The following NCOR2 variants were observed in gnomAD, a reference collection of about 807,000 sequenced individuals.
The protein encoded by NCOR2 is nuclear receptor corepressor 2.
NCOR2 carries 81 observed loss-of-function variants against 262.9 expected under a neutral mutation model. The ratio of observed to expected loss-of-function variants is 0.31; its 90% CI spans 0.26 to 0.37. The LOEUF is 0.37. Ranked by LOEUF, NCOR2 falls within the 10% of genes least tolerant of loss-of-function variation. The pLI is 1.00. For synonymous variants in NCOR2, 1,659 were observed against 1,559.3 expected (o/e 1.06, Z -1.51); for missense variants, 3,385 against 3,621.4 (o/e 0.93, Z 1.68).
intron 8 of NCOR2, among the ~76,000 whole-genome samples, chr12:124,433,845 TACACACACACACACACACACACAC>T (rs1204258133): frequency 9.8e-4 from 18 of 18,276 alleles, no homozygotes; most frequent in South Asian, 3.0e-3. Context: ...CTCTCTGTCT[TACACACACACACACACACACACAC>T]ACACACACAC....
chr12:124,440,060 C>T lies in NCOR2; in HGVS notation c.816-2064G>A, dbSNP rs1054169887. ...ACACAAAGCAGGGTGCTGCAGCTGGCCTCCCAGGGCCTGGGGGGCCACAGC... is the reference window on the plus strand; with the variant it reads ...ACACAAAGCAGGGTGCTGCAGCTGGTCTCCCAGGGCCTGGGGGGCCACAGC... On this transcript the variant is annotated intron_variant, in intron 7 of 46. Coordinates refer to ENST00000405201, the Ensembl canonical transcript of NCOR2. The surrounding 1 kb of genome is among the most constrained non-coding windows in gnomAD (Gnocchi z 5.7). Among the ~76,000 whole-genome samples, 3 of 152,044 alleles carry T rather than the reference C, an allele frequency of 2.0e-5. No individual in the cohort carries two copies. The highest frequency in any genetic ancestry group is 4.4e-5 in the Non-Finnish European group (3 of 67,988).
Position 124,483,768 on chromosome 12 carries a change from T to C in NCOR2, c.239A>G (p.Gln80Arg), listed in dbSNP as rs749690893. The change falls in exon 3 of 47, where the codon CAG (glutamine) becomes CGG (arginine). Residue 80 changes from glutamine to arginine, a missense_variant. Transcript: ENST00000405201. This position sits in a 1 kb window ranked among gnomAD's most constrained non-coding sequence, Gnocchi z 6.3. ...GGACTCTGGCCGCAGGTGGAGCTCC[T>C]GGGACCTGCAGGAGGTGAGGCATCC... The C allele has an allele frequency of 1.2e-6, 2 of 1,600,058 alleles. No homozygotes were observed. Among genetic ancestry groups the C allele is most frequent in the Non-Finnish European group, 1.7e-6 (2 of 1,173,000 alleles).
intron 6 of NCOR2, among the ~76,000 whole-genome samples, chr12:124,456,877 C>T (rs979788341): frequency 5.3e-5 from 8 of 152,218 alleles, no homozygotes; most frequent in African/African-American, 1.9e-4. Flanking sequence ...GCCCCGGAGG[C>T]GCTCGCTGCC....
chr12:124,448,154 A>G (rs2045299633), intron 7 of NCOR2, among the ~76,000 whole-genome samples: 1 of 152,214 alleles, frequency 6.6e-6, no homozygotes, highest in Admixed American at 6.5e-5. Flanking sequence ...GGGATGAATG[A>G]ATGAGGGAAT....
At chr12:124,429,739 C>T in intron 9 of NCOR2, 33 bp from the exon 12 acceptor site, 3 of 1,562,930 alleles carry the variant, frequency 1.9e-6, no homozygotes, top group Non-Finnish European at 2.6e-6. Flanking sequence ...CAGGACCGGT[C>T]TTCTGGTGGT....
chr12:124,388,856 G>A (rs557293609), intron 16 of NCOR2: 38 of 664,982 alleles, frequency 5.7e-5, no homozygotes, highest in African/African-American at 5.5e-4. Context: ...ATCCTTCTCC[G>A]TCCCACGGTG....
In NCOR2 at chr12:124,550,841, T is replaced by G. The variant is rs576580497; in HGVS notation, c.-164-15230A>C. ...GGCATCACCAGGAGAAGCCCAGAGCTGGCAAATCCACTGGCCACGGCACCC... is the reference window on the plus strand; with the variant it reads ...GGCATCACCAGGAGAAGCCCAGAGCGGGCAAATCCACTGGCCACGGCACCC... On this transcript the variant is annotated intron_variant, in intron 1 of 32. Coordinates refer to the NCOR2 transcript ENST00000458234. 2.9e-3 allele frequency among the ~76,000 whole-genome samples: 440 copies of G among 152,266 alleles called. 1 individual carries two copies. The highest frequency in any genetic ancestry group is 9.6e-3 in the African/African-American group (397 of 41,564).
chr12:124,394,021 C>T (rs537173078), intron 16 of NCOR2, among the ~76,000 whole-genome samples: 5 of 152,376 alleles, frequency 3.3e-5, no homozygotes, highest in African/African-American at 9.6e-5. Context: ...GACTTACCTC[C>T]GACCCCCATC....
At chr12:124,435,282 C>G (rs1422338884) in intron 8 of NCOR2, among the ~76,000 whole-genome samples, 1 of 152,262 alleles carries the variant, frequency 6.6e-6, no homozygotes, top group Non-Finnish European at 1.5e-5. Flanking sequence ...GACTCCCGGG[C>G]ACCCAGCAGC....
chr12:124,435,959 T>C (rs370440979), intron 8 of NCOR2, among the ~76,000 whole-genome samples: 4 of 152,304 alleles, frequency 2.6e-5, no homozygotes, highest in African/African-American at 9.6e-5. Flanking sequence ...CTAAATGCCC[T>C]AATGTATGGA....
At chr12:124,348,493 TGCCA>T in intron 28 of NCOR2, 179 bp from the exon 31 acceptor site, 2 of 782,918 alleles carry the variant, frequency 2.6e-6, no homozygotes, top group Non-Finnish European at 3.9e-6. Flanking sequence ...CCTGGGGGCC[TGCCA>T]GCAGGACCCA....
chr12:124,330,958 C>T (rs12367963), intron 43 of NCOR2, 60 bp from the exon 46 acceptor site: 123,003 of 1,533,974 alleles, frequency 0.08, 5,528 homozygotes, highest in Non-Finnish European at 0.089. Flanking sequence ...CCTGCCCTAC[C>T]AGTCCCGTGT....
chr12:124,405,788 G>C (rs1245696963), intron 13 of NCOR2, among the ~76,000 whole-genome samples: 1 of 152,110 alleles, frequency 6.6e-6, no homozygotes, highest in Admixed American at 6.5e-5. Context: ...AGCCCCCAAA[G>C]CCTTCTATGT....
chr12:124,407,494 C>T (rs1020060663), intron 13 of NCOR2, among the ~76,000 whole-genome samples: 7 of 152,200 alleles, frequency 4.6e-5, no homozygotes, highest in East Asian at 1.9e-4. Flanking sequence ...ATTCTGAGGG[C>T]GGTGGGAGCC....
intron 1 of NCOR2, among the ~76,000 whole-genome samples, chr12:124,552,356 A>C (rs1344144951): frequency 6.6e-6 from 1 of 151,904 alleles, no homozygotes; most frequent in Non-Finnish European, 1.5e-5. Flanking sequence ...AAGAATAAAG[A>C]AAGCACAAAT....
At chr12:124,551,232 G>C (rs1177556952) in intron 1 of NCOR2, among the ~76,000 whole-genome samples, 2 of 152,172 alleles carry the variant, frequency 1.3e-5, no homozygotes, top group East Asian at 3.8e-4. Flanking sequence ...AACCACTCAG[G>C]TCTGCCGCTT....
At chr12:124,409,908 G>C (rs1356769774) in intron 13 of NCOR2, among the ~76,000 whole-genome samples, 1 of 151,758 alleles carries the variant, frequency 6.6e-6, no homozygotes, top group African/African-American at 2.4e-5. Context: ...TGAACTCCTG[G>C]GCTCAAGCGA....
At chr12:124,372,093 G>A (rs1407208048) in exon 20 of NCOR2, 1 of 1,603,604 alleles carries the variant, frequency 6.2e-7, no homozygotes, top group South Asian at 1.1e-5. Context: ...CGCTGTCCTG[G>A]GGGGCGCCCG....
chr12:124,347,796 C>A, intron 30 of NCOR2, 29 bp downstream of exon 32: 2 of 1,552,154 alleles, frequency 1.3e-6, no homozygotes, highest in Non-Finnish European at 1.7e-6. Flanking sequence ...CCGTTGGGGG[C>A]AACGAGGGAG....
Sources: allele counts gnomAD v4.1 joint callset (sites outside exome capture counted in the v4.1 genomes callset), GRCh38; gene constraint gnomAD v4.1.1; non-coding constraint Gnocchi (gnomAD v3.1); transcripts MANE v1.5; gene names NCBI Gene and HGNC (gene_info 2026-07-23, HGNC 2026-07-21).